The following DRC8 variants were observed in gnomAD, a reference collection of about 807,000 sequenced individuals.
DRC8 encodes the protein dynein regulatory complex subunit 8, also known as dynein regulatory complex protein 8.
At chr1:245,068,592 C>T in the DRC8 span, among the ~76,000 whole-genome samples, 2 of 151,804 alleles carry the variant, frequency 1.3e-5, no homozygotes, top group Non-Finnish European at 2.9e-5. Context: ...CAGGTATATG[C>T]CACCACTCCC....
chr1:245,033,175 C>T, the DRC8 span, among the ~76,000 whole-genome samples: 1 of 152,214 alleles, frequency 6.6e-6, no homozygotes, highest in South Asian at 2.1e-4. Context: ...TCCAACCCAA[C>T]TGGACCTGGT....
At chr1:245,025,178 G>A in the DRC8 span, among the ~76,000 whole-genome samples, 23 of 152,066 alleles carry the variant, frequency 1.5e-4, no homozygotes, top group Non-Finnish European at 4.4e-5. Context: ...AATTTGGTGG[G>A]GACAAAATAC....
At chr1:244,974,633 G>C in the DRC8 span, among the ~76,000 whole-genome samples, 1 of 152,052 alleles carries the variant, frequency 6.6e-6, no homozygotes, top group African/African-American at 2.4e-5. Flanking sequence ...TTATAAAAAG[G>C]GTTCCCTTAA....
the DRC8 span, among the ~76,000 whole-genome samples, chr1:245,015,374 A>T: frequency 1.3e-5 from 2 of 152,194 alleles, no homozygotes; most frequent in East Asian, 3.8e-4. Context: ...TGCACCTAAC[A>T]TAAAATTTAT....
At chr1:244,984,850 CAAAAA>C in the DRC8 span, among the ~76,000 whole-genome samples, 1 of 138,994 alleles carries the variant, frequency 7.2e-6, no homozygotes, top group Non-Finnish European at 1.5e-5. Flanking sequence ...ACCCCCCCTT[CAAAAA>C]AAAAAAAAAA....
At chr1:245,063,629 T>C in the DRC8 span, among the ~76,000 whole-genome samples, 1 of 152,150 alleles carries the variant, frequency 6.6e-6, no homozygotes, top group Non-Finnish European at 1.5e-5. Flanking sequence ...AAGAGGTGCA[T>C]TTCATTGGGA....
At chr1:245,086,926 A>G in the DRC8 span, 5 of 486,476 alleles carry the variant, frequency 1.0e-5, no homozygotes, top group African/African-American at 5.9e-5. Context: ...TGGTAATTTC[A>G]AAAGTTTTAA....
chr1:245,120,367 A>G, the DRC8 span, among the ~76,000 whole-genome samples: 2 of 151,876 alleles, frequency 1.3e-5, no homozygotes, highest in Non-Finnish European at 2.9e-5. Flanking sequence ...CATCGATCTC[A>G]ATGTCTGTGT....
the DRC8 span, among the ~76,000 whole-genome samples, chr1:244,986,676 G>T: frequency 1.3e-5 from 2 of 151,264 alleles, no homozygotes; most frequent in African/African-American, 4.9e-5. Flanking sequence ...CGAGGATGCA[G>T]TGAGCTATGA....
chr1:244,990,452 G>A, the DRC8 span, among the ~76,000 whole-genome samples: 90 of 152,252 alleles, frequency 5.9e-4, 1 homozygote, highest in Non-Finnish European at 1.2e-4. Flanking sequence ...CTTATCCCTC[G>A]TGGATAAGGG....
At chr1:245,005,331 G>T in the DRC8 span, among the ~76,000 whole-genome samples, 1 of 151,526 alleles carries the variant, frequency 6.6e-6, no homozygotes, top group African/African-American at 2.4e-5. Flanking sequence ...GGAAGATTTT[G>T]TGAAGGATTG....
chr1:245,098,741 T>C, the DRC8 span, among the ~76,000 whole-genome samples: 1 of 152,230 alleles, frequency 6.6e-6, no homozygotes, highest in Admixed American at 6.5e-5. Flanking sequence ...TCAGTGTCTC[T>C]GAAATTCTTG....
the DRC8 span, among the ~76,000 whole-genome samples, chr1:245,050,386 C>T: frequency 6.6e-6 from 1 of 152,156 alleles, no homozygotes; most frequent in Non-Finnish European, 1.5e-5. Flanking sequence ...AGGCGTGACC[C>T]ACCGCGCCCA....
At chr1:245,008,524 G>A in the DRC8 span, among the ~76,000 whole-genome samples, 1 of 151,894 alleles carries the variant, frequency 6.6e-6, no homozygotes, top group East Asian at 1.9e-4. Context: ...TCTTTAATAT[G>A]AGCTCTTCAA....
At chr1:244,971,958 C>CAAAAA in the DRC8 span, among the ~76,000 whole-genome samples, 18 of 107,210 alleles carry the variant, frequency 1.7e-4, no homozygotes, top group African/African-American at 6.4e-4. Flanking sequence ...TGTTCTTTAC[C>CAAAAA]AAAAAAAAAA....
the DRC8 span, among the ~76,000 whole-genome samples, chr1:245,045,773 G>A: frequency 0.067 from 5,267 of 78,594 alleles, 324 homozygotes; most frequent in African/African-American, 0.2. Context: ...AGCAGCCATC[G>A]GTCTGACTGG....
the DRC8 span, among the ~76,000 whole-genome samples, chr1:244,976,432 A>G: frequency 1.3e-5 from 2 of 152,160 alleles, no homozygotes; most frequent in African/African-American, 2.4e-5. Flanking sequence ...AAACAAGAAG[A>G]CTAGCTTTTT....
the DRC8 span, among the ~76,000 whole-genome samples, chr1:245,077,159 G>A: frequency 1.3e-5 from 2 of 152,170 alleles, no homozygotes. Flanking sequence ...GTTTGCTAGA[G>A]CCGCTTTGAT....
the DRC8 span, chr1:244,970,844 G>C: frequency 3.4e-6 from 1 of 295,460 alleles, no homozygotes; most frequent in Non-Finnish European, 6.3e-6. Context: ...GGCGCCGGCA[G>C]GGGGTGCTGA....
Sources: allele counts gnomAD v4.1 joint callset (sites outside exome capture counted in the v4.1 genomes callset), GRCh38; gene constraint gnomAD v4.1.1; transcripts MANE v1.5; gene names NCBI Gene and HGNC (gene_info 2026-07-23, HGNC 2026-07-21).